Variants in KCTD8 observed in about 807,000 individuals in gnomAD.
KCTD8 encodes the protein potassium channel tetramerization domain containing 8.
In KCTD8, 27 loss-of-function variants were observed where a neutral mutation model predicts 31.5. The ratio of observed to expected loss-of-function variants is 0.86; its 90% CI spans 0.63 to 1.18. The LOEUF is 1.18. KCTD8 is among the 50% of genes most tolerant of loss of function. KCTD8 has a pLI of 0.00. For missense variants in KCTD8, 658 were observed against 647.7 expected (o/e 1.02, Z -0.17); for synonymous variants, 290 against 280.0 (o/e 1.04, Z -0.36).
chr4:44,264,833 G>A (rs145043369), intron 1 of KCTD8, among the ~76,000 whole-genome samples: 3,531 of 152,276 alleles, frequency 0.023, 148 homozygotes, highest in African/African-American at 0.081. Context: ...CAGCGAGGCT[G>A]GGGGAGGGGT....
chr4:44,336,580 C>T (rs1245478065), intron 1 of KCTD8, among the ~76,000 whole-genome samples: 3 of 151,760 alleles, frequency 2.0e-5, no homozygotes, highest in African/African-American at 2.4e-5. Context: ...CAGATATAAG[C>T]GTTACAACTA....
intron 1 of KCTD8, among the ~76,000 whole-genome samples, chr4:44,192,477 C>CACAA (rs1303420481): frequency 1.4e-5 from 1 of 71,212 alleles, no homozygotes; most frequent in African/African-American, 6.6e-5. Flanking sequence ...AGCAAAGATA[C>CACAA]ACACACACAC....
intron 1 of KCTD8, among the ~76,000 whole-genome samples, chr4:44,370,545 C>G (rs1719754303): frequency 6.6e-6 from 1 of 152,080 alleles, no homozygotes; most frequent in Non-Finnish European, 1.5e-5. Context: ...CCTCTAATAT[C>G]CTTAGAATAT....
intron 1 of KCTD8, among the ~76,000 whole-genome samples, chr4:44,324,044 TAAAA>T (rs34203587): frequency 1.7e-5 from 2 of 117,260 alleles, no homozygotes; most frequent in African/African-American, 7.2e-5. Flanking sequence ...AAAGTATAAT[TAAAA>T]AAAAAAAAAC....
intron 1 of KCTD8, among the ~76,000 whole-genome samples, chr4:44,370,773 AAAGTATTTCTT>A (rs376462951): frequency 3.9e-5 from 6 of 152,294 alleles, no homozygotes; most frequent in African/African-American, 9.6e-5. Context: ...AAAAGTGCAA[AAAGTATTTCTT>A]TTCCAGCCTC....
At chr4:44,275,748 T>G (rs528562843) in intron 1 of KCTD8, among the ~76,000 whole-genome samples, 1 of 152,126 alleles carries the variant, frequency 6.6e-6, no homozygotes, top group East Asian at 1.9e-4. Context: ...GCTGTTACAT[T>G]TTGCATGCCC....
rs150256096 is a variant in KCTD8 at position 44,319,269 on chromosome 4, T to G, written c.961+128294A>C. On this transcript the variant is annotated intron_variant, in intron 1 of 1. Transcript: ENST00000360029. ...CACAAGCTTCAGTTTGTAATTTCTA[T>G]AATAGGTTTACACAGCCTGAGTAAG... Among the ~76,000 whole-genome samples the G allele has an allele frequency of 7.0e-3, 1,073 of 152,262 alleles. 6 individuals carry two copies. The highest frequency in any genetic ancestry group is 0.01 in the Non-Finnish European group (693 of 68,004).
At chr4:44,271,332 G>A (rs1250107822) in intron 1 of KCTD8, among the ~76,000 whole-genome samples, 1 of 152,048 alleles carries the variant, frequency 6.6e-6, no homozygotes, top group Non-Finnish European at 1.5e-5. Flanking sequence ...GAGATATATT[G>A]AGTATGCCAG....
At chr4:44,387,961 T>C (rs997499798) in intron 1 of KCTD8, among the ~76,000 whole-genome samples, 2 of 149,898 alleles carry the variant, frequency 1.3e-5, no homozygotes, top group African/African-American at 2.5e-5. Flanking sequence ...TCGCAAACTA[T>C]GCATCTAACA....
chr4:44,425,719 A>G (rs1025833861), intron 1 of KCTD8, among the ~76,000 whole-genome samples: 1 of 152,016 alleles, frequency 6.6e-6, no homozygotes, highest in Non-Finnish European at 1.5e-5. Context: ...TTAGGACAAA[A>G]GATAGAGGGA....
intron 1 of KCTD8, among the ~76,000 whole-genome samples, chr4:44,412,543 T>C (rs1720986481): frequency 6.6e-6 from 1 of 152,158 alleles, no homozygotes; most frequent in Non-Finnish European, 1.5e-5. Flanking sequence ...CTTTATGGCT[T>C]GGAAGAGTAT....
intron 1 of KCTD8, among the ~76,000 whole-genome samples, chr4:44,345,347 T>C (rs1212592878): frequency 6.6e-6 from 1 of 152,144 alleles, no homozygotes; most frequent in Non-Finnish European, 1.5e-5. Context: ...TTCTCAAACA[T>C]GTCCTTGGCA....
chr4:44,309,229 G>A (rs2109398077), intron 1 of KCTD8, among the ~76,000 whole-genome samples: 1 of 151,800 alleles, frequency 6.6e-6, no homozygotes, highest in Non-Finnish European at 1.5e-5. Context: ...TTTAGAGATG[G>A]GGTTTTTGCC....
intron 1 of KCTD8, among the ~76,000 whole-genome samples, chr4:44,217,521 G>A (rs1189076158): frequency 3.9e-5 from 6 of 152,178 alleles, no homozygotes; most frequent in Admixed American, 3.3e-4. Flanking sequence ...AGGACGCCTA[G>A]ATAGCTGGTG....
intron 1 of KCTD8, among the ~76,000 whole-genome samples, chr4:44,253,810 TGTCA>T (rs1291098404): frequency 1.3e-5 from 2 of 151,874 alleles, no homozygotes; most frequent in African/African-American, 4.8e-5. Context: ...TTTTTTATTT[TGTCA>T]GTAAGTTTTA....
At chr4:44,415,813 G>C (rs371869538) in intron 1 of KCTD8, among the ~76,000 whole-genome samples, 1 of 152,322 alleles carries the variant, frequency 6.6e-6, no homozygotes, top group Non-Finnish European at 1.5e-5. Context: ...GCAGAAGCCT[G>C]TTACAGGGGT....
intron 1 of KCTD8, among the ~76,000 whole-genome samples, chr4:44,434,966 T>C (rs1006009918): frequency 7.4e-6 from 1 of 134,912 alleles, no homozygotes; most frequent in African/African-American, 2.8e-5. Flanking sequence ...TTGTACTCTA[T>C]CTACCCTATA....
At position 44,221,349 on chromosome 4, in the gene KCTD8, G is replaced by T. The variant is rs575150620; in HGVS notation, c.962-46099C>A. Among the ~76,000 whole-genome samples the T allele has an allele frequency of 2.6e-3, 377 of 143,404 alleles. 1 individual carries two copies. Among genetic ancestry groups the T allele is most frequent in the African/African-American group, 9.4e-3 (346 of 36,934 alleles). The allele number at this position is 143,404 out of a possible 152,430, so 94.1% of individuals were successfully genotyped here. On this transcript the variant is annotated intron_variant, in intron 1 of 1. Transcript: ENST00000360029. ...CCATCAGGTGTGTGTGTGTGTGCAT[G>T]TGTGTGTGTGTGTGTGTGTGTTTAG...
At position 44,447,560 on chromosome 4, in the gene KCTD8, T is replaced by G. The variant is rs1364930323; in HGVS notation, c.961+3A>C. ...CTGGGAAACGCCGGGGCTGCGAACT[T>G]ACGGAAGAAAATGTACTCGGTGTAG... On this transcript the variant is annotated splice_donor_region_variant and intron_variant, in intron 1 of 1. Coordinates refer to ENST00000360029, the MANE Select transcript of KCTD8 (RefSeq NM_198353.3). 1 of 1,549,030 alleles carries G rather than the reference T, an allele frequency of 6.5e-7. No individual in the cohort carries two copies. The highest frequency in any genetic ancestry group is 8.8e-7 in the Non-Finnish European group (1 of 1,142,248).
Sources: gnomAD v4.1 joint callset for allele counts (sites outside exome capture counted in the v4.1 genomes callset) on GRCh38, gnomAD v4.1.1 for gene constraint, MANE v1.5 for transcripts, NCBI Gene and HGNC (gene_info 2026-07-23, HGNC 2026-07-21) for gene names.